The following PARD3B variants were observed in gnomAD, a reference collection of about 807,000 sequenced individuals.
PARD3B encodes the protein par-3 family cell polarity regulator beta.
A neutral mutation model predicts 130.2 loss-of-function variants in PARD3B; 103 were observed. That is an observed-to-expected ratio of 0.79 (90% confidence interval 0.67 to 0.93). PARD3B has a LOEUF of 0.93. PARD3B is among the 40% of genes least tolerant of loss of function. PARD3B has a pLI of 0.00. For missense variants in PARD3B, 1,609 were observed against 1,499.2 expected (o/e 1.07, Z -1.21); for synonymous variants, 583 against 553.2 (o/e 1.05, Z -0.76).
At chr2:204,983,982 C>T (rs139745600) in intron 3 of PARD3B, among the ~76,000 whole-genome samples, 40 of 151,910 alleles carry the variant, frequency 2.6e-4, no homozygotes, top group South Asian at 6.2e-4. Flanking sequence ...CCTTCCTTGT[C>T]GCCTCTCTAA....
chr2:205,008,706 CAATT>C (rs1336274910), intron 3 of PARD3B, among the ~76,000 whole-genome samples: 3 of 151,992 alleles, frequency 2.0e-5, no homozygotes, highest in African/African-American at 7.2e-5. Context: ...TCTAGTAAAT[CAATT>C]AAAGACTTGA....
intron 5 of PARD3B, among the ~76,000 whole-genome samples, chr2:205,110,790 C>T (rs910828506): frequency 1.3e-5 from 2 of 151,948 alleles, no homozygotes; most frequent in African/African-American, 4.8e-5. Flanking sequence ...CATAAATGTG[C>T]ACATGTCCTG....
chr2:205,109,571 G>A (rs746429188), intron 5 of PARD3B, among the ~76,000 whole-genome samples: 1 of 151,494 alleles, frequency 6.6e-6, no homozygotes, highest in Non-Finnish European at 1.5e-5. Context: ...AATACCAGAT[G>A]TGGTATGTGT....
chr2:205,338,176 AAAG>A (rs1164997887), intron 18 of PARD3B, among the ~76,000 whole-genome samples: 48 of 150,658 alleles, frequency 3.2e-4, no homozygotes, highest in African/African-American at 1.1e-3. Context: ...AAAAAAAAAA[AAAG>A]GCTTCATGAG....
At chr2:205,596,784 A>G (rs73062213) in intron 22 of PARD3B, among the ~76,000 whole-genome samples, 3,657 of 152,174 alleles carry the variant, frequency 0.024, 137 homozygotes, top group African/African-American at 0.082. Context: ...TCTGGGACCA[A>G]GCTATGCCTC....
At chr2:204,871,949 A>G (rs1281432729) in intron 2 of PARD3B, among the ~76,000 whole-genome samples, 1 of 152,138 alleles carries the variant, frequency 6.6e-6, no homozygotes, top group Non-Finnish European at 1.5e-5. Context: ...AAACACAGTC[A>G]TTAAAATGGA....
Position 205,351,501 on chromosome 2 carries a change from A to G in PARD3B, c.2631-49512A>G, listed in dbSNP as rs187245982. Among the ~76,000 whole-genome samples the G allele has an allele frequency of 7.2e-5, 11 of 152,258 alleles. No homozygotes were observed. The East Asian group carries it at 2.1e-3, about 29-fold the overall frequency. On this transcript the variant is annotated intron_variant, in intron 18 of 22. Transcript: ENST00000406610. The surrounding 1 kb of genome is among the most constrained non-coding windows in gnomAD (Gnocchi z 4.2). ...TGCTGAGTGAGTGGTAGCATAAGCAATTTGGGCTGGAGTGAGAGGCGAGGA... is the reference window on the plus strand; with the variant it reads ...TGCTGAGTGAGTGGTAGCATAAGCAGTTTGGGCTGGAGTGAGAGGCGAGGA...
chr2:204,958,784 T>C (rs774306128), intron 2 of PARD3B, among the ~76,000 whole-genome samples: 1 of 152,168 alleles, frequency 6.6e-6, no homozygotes, highest in African/African-American at 2.4e-5. Context: ...AACACTCACA[T>C]GTTCACACAC....
Position 204,943,097 on chromosome 2 carries a change from T to C in PARD3B, c.223-22055T>C, listed in dbSNP as rs1689040298. Among the ~76,000 whole-genome samples the C allele has an allele frequency of 6.6e-6, 1 of 150,976 alleles. No individual in the cohort carries two copies. Among genetic ancestry groups the C allele is most frequent in the African/African-American group, 2.5e-5 (1 of 40,306 alleles). On this transcript the variant is annotated intron_variant, in intron 2 of 22. Coordinates refer to ENST00000406610, the MANE Select transcript of PARD3B (RefSeq NM_001302769.2). The surrounding 1 kb of genome is among the most constrained non-coding windows in gnomAD (Gnocchi z 4.2). The stretch of plus-strand genomic sequence containing the variant: ...AAGAAAGACTTTGTGTAAATACACC[T>C]CTTTTTAAAATTACCCCTGACTTAA...
chr2:205,267,202 G>A (rs539424907), intron 16 of PARD3B, among the ~76,000 whole-genome samples: 7 of 152,122 alleles, frequency 4.6e-5, no homozygotes, highest in Non-Finnish European at 7.4e-5. Context: ...CTCCATTTCA[G>A]CCAACACTGT....
In PARD3B at chr2:205,352,822, T is replaced by C. The variant is rs1474753690; in HGVS notation, c.2631-48191T>C. Among the ~76,000 whole-genome samples, 1 of 152,192 alleles carries C rather than the reference T, an allele frequency of 6.6e-6. No individual in the cohort carries two copies. Among genetic ancestry groups the C allele is most frequent in the Non-Finnish European group, 1.5e-5 (1 of 68,036 alleles). On this transcript the variant is annotated intron_variant, in intron 18 of 22. Coordinates refer to ENST00000406610, the MANE Select transcript of PARD3B (RefSeq NM_001302769.2). This position sits in a 1 kb window ranked among gnomAD's most constrained non-coding sequence, Gnocchi z 5.2. Reference sequence around the variant, plus strand: ...CTGCTGATTCATCTGTTTTCATTGCTGTCATGAAAACCAGTCTGCATTTCA... The same window carrying C: ...CTGCTGATTCATCTGTTTTCATTGCCGTCATGAAAACCAGTCTGCATTTCA...
intron 16 of PARD3B, among the ~76,000 whole-genome samples, chr2:205,262,829 A>G (rs1470784609): frequency 6.6e-6 from 1 of 152,132 alleles, no homozygotes; most frequent in Non-Finnish European, 1.5e-5. Context: ...CAGAGGGTCC[A>G]TTTATTGCTT....
chr2:204,917,915 T>C (rs879650907), intron 2 of PARD3B, among the ~76,000 whole-genome samples: 2 of 152,188 alleles, frequency 1.3e-5, no homozygotes, highest in Non-Finnish European at 2.9e-5. Context: ...TATTTTAATC[T>C]GATTAAATAT....
intron 2 of PARD3B, among the ~76,000 whole-genome samples, chr2:204,712,378 T>C (rs1198571014): frequency 1.3e-5 from 2 of 151,944 alleles, no homozygotes; most frequent in African/African-American, 4.8e-5. Context: ...TTTAGGAGAC[T>C]GAGACAGGTG....
At chr2:205,606,444 T>A (rs974054191) in intron 22 of PARD3B, among the ~76,000 whole-genome samples, 1 of 152,120 alleles carries the variant, frequency 6.6e-6, no homozygotes, top group African/African-American at 2.4e-5. Context: ...ACCCACCTAG[T>A]CAGTCCCAAT....
intron 7 of PARD3B, among the ~76,000 whole-genome samples, chr2:205,120,747 A>G (rs1413004919): frequency 6.6e-6 from 1 of 152,170 alleles, no homozygotes; most frequent in African/African-American, 2.4e-5. Context: ...CTGAGTTTCA[A>G]GAAATAGGGA....
At chr2:205,095,537 A>G (rs928750216) in intron 4 of PARD3B, among the ~76,000 whole-genome samples, 1 of 151,800 alleles carries the variant, frequency 6.6e-6, no homozygotes, top group African/African-American at 2.4e-5. Context: ...AAAGATTAGC[A>G]GAGCAGATGA....
intron 20 of PARD3B, among the ~76,000 whole-genome samples, chr2:205,468,166 C>T (rs1222430623): frequency 6.6e-6 from 1 of 152,206 alleles, no homozygotes; most frequent in Non-Finnish European, 1.5e-5. Context: ...AGAATGGAGG[C>T]TGGTCTTCAG....
chr2:205,369,469 T>G (rs2044729399), intron 18 of PARD3B, among the ~76,000 whole-genome samples: 3 of 152,214 alleles, frequency 2.0e-5, no homozygotes, highest in Non-Finnish European at 4.4e-5. Flanking sequence ...TAGAATGAGA[T>G]GGAAATTCTT....
Sources: gnomAD v4.1 joint callset for allele counts (sites outside exome capture counted in the v4.1 genomes callset) on GRCh38, gnomAD v4.1.1 for gene constraint, Gnocchi (gnomAD v3.1) non-coding constraint, MANE v1.5 for transcripts, NCBI Gene and HGNC (gene_info 2026-07-23, HGNC 2026-07-21) for gene names.